The following SLC9A9 variants were observed in gnomAD, a reference collection of about 807,000 sequenced individuals.
The protein encoded by SLC9A9 is sodium/hydrogen exchanger 9.
A neutral mutation model predicts 77.8 loss-of-function variants in SLC9A9; 62 were observed. The ratio of observed to expected loss-of-function variants is 0.80; its 90% CI spans 0.65 to 0.98. SLC9A9 has a LOEUF of 0.98. SLC9A9 is among the 50% of genes least tolerant of loss of function. The probability of loss-of-function intolerance (pLI) is 0.00; values close to 1 mark genes in which losing one functional copy is unlikely to be tolerated. For synonymous variants in SLC9A9, 320 were observed against 283.5 expected, an observed-to-expected ratio of 1.13 and a Z score of -1.29; for missense variants, 775 against 774.9, an observed-to-expected ratio of 1.00 and a Z score of 0.00.
chr3:143,630,352 C>A lies in SLC9A9; in HGVS notation c.755+21903G>T, dbSNP rs563647686. 5.9e-5 allele frequency among the ~76,000 whole-genome samples: 9 copies of A among 152,300 alleles called. No individual in the cohort carries two copies. In the South Asian group the frequency reaches 1.9e-3, roughly 32 times the overall value. On this transcript the variant is annotated intron_variant, in intron 6 of 15. Transcript: ENST00000316549. ...TTGTGTCTCAAGAACTGCAGAGCTGCTCTAGCAATGTAACCACCTTCTAGG... is the reference window on the plus strand; with the variant it reads ...TTGTGTCTCAAGAACTGCAGAGCTGATCTAGCAATGTAACCACCTTCTAGG...
In SLC9A9 at chr3:143,327,253, A is replaced by G. The variant is rs150572859; in HGVS notation, c.1604+36231T>C. 7.9e-5 allele frequency among the ~76,000 whole-genome samples: 12 copies of G among 152,184 alleles called. No homozygotes were observed. The East Asian group carries it at 2.3e-3, about 29-fold the overall frequency. On this transcript the variant is annotated intron_variant, in intron 14 of 15. Coordinates refer to ENST00000316549, the MANE Select transcript of SLC9A9 (RefSeq NM_173653.4). ...CTCTTAAAAAATCACTACCTCCCAC[A>G]ATTAATTAGAGAAAAAAAAATCTGA...
At chr3:143,300,551 C>T (rs2030476701) in intron 14 of SLC9A9, among the ~76,000 whole-genome samples, 1 of 152,168 alleles carries the variant, frequency 6.6e-6, no homozygotes, top group African/African-American at 2.4e-5. Flanking sequence ...TTCAGTAGGC[C>T]TGGGGTGGGG....
At chr3:143,721,200 CA>C (rs1322718023) in intron 4 of SLC9A9, among the ~76,000 whole-genome samples, 1 of 152,040 alleles carries the variant, frequency 6.6e-6, no homozygotes, top group African/African-American at 2.4e-5. Flanking sequence ...CCCACACCCC[CA>C]AAAAAGTCCA....
At chr3:143,269,088 C>G in intron 14 of SLC9A9, 108 bp from the exon 15 acceptor site, 3 of 811,304 alleles carry the variant, frequency 3.7e-6, no homozygotes, top group Non-Finnish European at 6.4e-6. Context: ...TTTAAATCCC[C>G]TACTCCCTCA....
chr3:143,303,658 C>T (rs2030638947), intron 14 of SLC9A9, among the ~76,000 whole-genome samples: 1 of 152,202 alleles, frequency 6.6e-6, no homozygotes, highest in Non-Finnish European at 1.5e-5. Flanking sequence ...GCATACTAAA[C>T]CTCAGAGAGG....
In SLC9A9 at chr3:143,342,593, A is replaced by G. The variant is rs113553143; in HGVS notation, c.1604+20891T>C. On this transcript the variant is annotated intron_variant, in intron 14 of 15. Coordinates refer to ENST00000316549, the MANE Select transcript of SLC9A9 (RefSeq NM_173653.4). ...TGTAGCAACTAGAGCAGGACTCACA[A>G]ATAAAATAACCTTCAAGGCCAAACA... Among the ~76,000 whole-genome samples the G allele has an allele frequency of 3.9e-5, 6 of 152,326 alleles. 1 individual carries two copies. Among genetic ancestry groups the G allele is most frequent in the African/African-American group, 1.4e-4 (6 of 41,580 alleles).
chr3:143,446,665 T>C (rs75285062), intron 12 of SLC9A9, among the ~76,000 whole-genome samples: 11,012 of 152,040 alleles, frequency 0.072, 1,399 homozygotes, highest in African/African-American at 0.25. Flanking sequence ...TTCTGTGGGG[T>C]GTGATCTATC....
chr3:143,755,817 A>G lies in SLC9A9; in HGVS notation c.533+39184T>C, dbSNP rs79504543. Among the ~76,000 whole-genome samples, 748 of 152,260 alleles carry G rather than the reference A, an allele frequency of 4.9e-3. 3 individuals carry two copies. Among genetic ancestry groups the G allele is most frequent in the African/African-American group, 0.017 (720 of 41,536 alleles). On this transcript the variant is annotated intron_variant, in intron 4 of 15. Coordinates refer to ENST00000316549, the MANE Select transcript of SLC9A9 (RefSeq NM_173653.4). Reference sequence around the variant, plus strand: ...AAAATATATTCTATTATAGATATGTACAAATGCATGTGTGTGTGTGTGTGT... The same window carrying G: ...AAAATATATTCTATTATAGATATGTGCAAATGCATGTGTGTGTGTGTGTGT...
At chr3:143,429,905 CAT>C (rs1212148535) in intron 12 of SLC9A9, among the ~76,000 whole-genome samples, 1 of 152,174 alleles carries the variant, frequency 6.6e-6, no homozygotes, top group Non-Finnish European at 1.5e-5. Context: ...CCTTAGAGGT[CAT>C]ATCTTTCAAA....
intron 4 of SLC9A9, among the ~76,000 whole-genome samples, chr3:143,709,079 A>G (rs1934071949): frequency 6.6e-6 from 1 of 152,168 alleles, no homozygotes; most frequent in Non-Finnish European, 1.5e-5. Flanking sequence ...AACATGGACC[A>G]CCAAACATAA....
At chr3:143,480,021 A>G (rs1191221089) in intron 11 of SLC9A9, among the ~76,000 whole-genome samples, 1 of 152,218 alleles carries the variant, frequency 6.6e-6, no homozygotes, top group Non-Finnish European at 1.5e-5. Context: ...TTGGTTTTCA[A>G]CACTGACCAT....
At chr3:143,789,669 C>T (rs1335065500) in intron 4 of SLC9A9, among the ~76,000 whole-genome samples, 1 of 152,000 alleles carries the variant, frequency 6.6e-6, no homozygotes, top group Non-Finnish European at 1.5e-5. Flanking sequence ...GAACAGGTTC[C>T]AGAACCTGTT....
intron 6 of SLC9A9, among the ~76,000 whole-genome samples, chr3:143,643,107 A>C (rs1167807845): frequency 1.3e-5 from 2 of 151,088 alleles, no homozygotes; most frequent in Non-Finnish European, 2.9e-5. Flanking sequence ...TTTTATTGTG[A>C]GCTCATTTTC....
Position 143,431,979 on chromosome 3 carries a change from T to C in SLC9A9, c.1469+35058A>G, listed in dbSNP as rs184768016. Among the ~76,000 whole-genome samples the C allele has an allele frequency of 7.2e-5, 11 of 152,332 alleles. No individual in the cohort carries two copies. In the East Asian group the frequency reaches 2.1e-3, roughly 29 times the overall value. Reference sequence around the variant, plus strand: ...CAAGAGATAACTTCTCAGTGAGGCCTACTTGGACTACCTAATTCAAATCAC... The same window carrying C: ...CAAGAGATAACTTCTCAGTGAGGCCCACTTGGACTACCTAATTCAAATCAC... On this transcript the variant is annotated intron_variant, in intron 12 of 15. Coordinates refer to ENST00000316549, the MANE Select transcript of SLC9A9 (RefSeq NM_173653.4).
chr3:143,502,335 CTG>C (rs2035936299), intron 9 of SLC9A9, among the ~76,000 whole-genome samples: 1 of 143,038 alleles, frequency 7.0e-6, no homozygotes, highest in African/African-American at 3.0e-5. Context: ...AGAGGACAAT[CTG>C]TGTTTAAAAA....
At chr3:143,432,730 C>A (rs560261153) in intron 12 of SLC9A9, among the ~76,000 whole-genome samples, 2 of 152,150 alleles carry the variant, frequency 1.3e-5, no homozygotes, top group Non-Finnish European at 1.5e-5. Flanking sequence ...CAGGTTCAAG[C>A]GATTCTCCTG....
chr3:143,490,147 G>A (rs906574593), intron 11 of SLC9A9, among the ~76,000 whole-genome samples: 4 of 152,124 alleles, frequency 2.6e-5, no homozygotes, highest in Non-Finnish European at 5.9e-5. Context: ...ATTACTATAT[G>A]ACCCAGCAAT....
chr3:143,828,564 A>AACAC (rs143198052), intron 2 of SLC9A9, among the ~76,000 whole-genome samples: 7 of 150,246 alleles, frequency 4.7e-5, no homozygotes, highest in Admixed American at 6.7e-5. Context: ...TACCTACCCC[A>AACAC]ACACACACAC....
chr3:143,482,148 A>G (rs946930005), intron 11 of SLC9A9, among the ~76,000 whole-genome samples: 12 of 152,224 alleles, frequency 7.9e-5, no homozygotes, highest in Non-Finnish European at 1.5e-4. Flanking sequence ...TAGCAATGGC[A>G]GCCTTTTCAC....
Sources: allele counts gnomAD v4.1 joint callset (sites outside exome capture counted in the v4.1 genomes callset), GRCh38; gene constraint gnomAD v4.1.1; transcripts MANE v1.5; gene names NCBI Gene and HGNC (gene_info 2026-07-23, HGNC 2026-07-21).